UBE2Q2: variants seen among roughly 807,000 people sequenced by gnomAD.
UBE2Q2 encodes ubiquitin conjugating enzyme E2 Q2, also known as ubiquitin-conjugating enzyme E2 Q2.
Under a neutral mutation model 59.9 loss-of-function variants are expected in UBE2Q2, and 54 were observed. The ratio of observed to expected loss-of-function variants is 0.90; its 90% CI spans 0.72 to 1.13. The LOEUF (loss-of-function observed/expected upper bound fraction) is 1.13, where lower values mean the gene tolerates loss of function less well. Among genes scored for constraint, UBE2Q2 ranks in the 50% most tolerant of loss-of-function variants. UBE2Q2 has a pLI of 0.00. For synonymous variants in UBE2Q2, 165 were observed against 155.2 expected, an observed-to-expected ratio of 1.06 and a Z score of -0.47; for missense variants, 433 against 441.9, an observed-to-expected ratio of 0.98 and a Z score of 0.18.
At chr15:75,861,442 T>C (rs1420772292) in intron 3 of UBE2Q2, among the ~76,000 whole-genome samples, 5 of 152,162 alleles carry the variant, frequency 3.3e-5, no homozygotes, top group Non-Finnish European at 1.5e-5. Context: ...GTATACTTAG[T>C]GTGGGTCTTT....
At chr15:75,895,509 G>A (rs978348910) in intron 11 of UBE2Q2, among the ~76,000 whole-genome samples, 5 of 151,916 alleles carry the variant, frequency 3.3e-5, no homozygotes, top group Non-Finnish European at 7.4e-5. Context: ...AGAGCTCTTA[G>A]ATGTTGAAAA....
chr15:75,890,411 T>C, intron 9 of UBE2Q2, 24 bp from the exon 10 acceptor site: 1 of 1,578,704 alleles, frequency 6.3e-7, no homozygotes. Flanking sequence ...GAGAATTTTG[T>C]ATGACTCCTT....
intron 1 of UBE2Q2, among the ~76,000 whole-genome samples, chr15:75,852,869 T>TC (rs1896702158): frequency 6.6e-6 from 1 of 152,242 alleles, no homozygotes; most frequent in African/African-American, 2.4e-5. Flanking sequence ...ATTAATGATG[T>TC]CCTCCATCAA....
At chr15:75,858,348 C>T (rs1897027916) in intron 2 of UBE2Q2, among the ~76,000 whole-genome samples, 1 of 152,142 alleles carries the variant, frequency 6.6e-6, no homozygotes, top group Admixed American at 6.5e-5. Context: ...AGCACTCTAT[C>T]AGCCCCGTGT....
intron 3 of UBE2Q2, among the ~76,000 whole-genome samples, chr15:75,862,811 T>G (rs1008068536): frequency 8.0e-5 from 6 of 74,550 alleles, no homozygotes; most frequent in Non-Finnish European, 1.5e-4. Flanking sequence ...TGGAACCCTA[T>G]CTCAAAAAAA....
Position 75,853,421 on chromosome 15 carries a change from A to G in UBE2Q2, c.181-965A>G, listed in dbSNP as rs542098988. On this transcript the variant is annotated intron_variant, in intron 1 of 12. Coordinates refer to ENST00000267938, the MANE Select transcript of UBE2Q2 (RefSeq NM_173469.4). ...AGGAGGCGGAGGTTGCAGTGAGCCG[A>G]GATTGTGCCATGCACTCCGCCTGGG... Among the ~76,000 whole-genome samples the G allele has an allele frequency of 9.4e-5, 14 of 149,350 alleles. No individual in the cohort carries two copies. In the South Asian group the frequency reaches 2.9e-3, roughly 31 times the overall value.
chr15:75,844,150 G>A, intron 1 of UBE2Q2: 1 of 1,427,720 alleles, frequency 7.0e-7, no homozygotes, highest in Non-Finnish European at 9.1e-7. Flanking sequence ...AAGCCCTTGT[G>A]GGGTCCATGG....
rs1307343063 is a variant in UBE2Q2, at chr15:75,852,091, G to A, written c.181-2295G>A. Among the ~76,000 whole-genome samples the A allele has an allele frequency of 3.3e-5, 5 of 152,092 alleles. No individual in the cohort carries two copies. The East Asian group carries it at 9.7e-4, about 29-fold the overall frequency. ...GGGGTTTCACCCTGTTGGCCAGGCTGGTCTTGAACTCCTGGGCTCAAGTGA... is the reference window on the plus strand; with the variant it reads ...GGGGTTTCACCCTGTTGGCCAGGCTAGTCTTGAACTCCTGGGCTCAAGTGA... On this transcript the variant is annotated intron_variant, in intron 1 of 12. Coordinates refer to ENST00000267938, the MANE Select transcript of UBE2Q2 (RefSeq NM_173469.4).
At chr15:75,856,269 G>GTATATATATATATATATA (rs60490503) in intron 2 of UBE2Q2, among the ~76,000 whole-genome samples, 20 of 139,274 alleles carry the variant, frequency 1.4e-4, no homozygotes, top group African/African-American at 5.2e-4. Context: ...GTGTGTGTGT[G>GTATATATATATATATATA]TATATATATA....
chr15:75,849,421 G>A (rs1463828555), intron 1 of UBE2Q2, among the ~76,000 whole-genome samples: 1 of 152,170 alleles, frequency 6.6e-6, no homozygotes, highest in African/African-American at 2.4e-5. Flanking sequence ...TACAAAAACT[G>A]ACCATTCTGG....
At chr15:75,850,492 G>A (rs1298174578) in intron 1 of UBE2Q2, among the ~76,000 whole-genome samples, 1 of 152,228 alleles carries the variant, frequency 6.6e-6, no homozygotes, top group Non-Finnish European at 1.5e-5. Context: ...CCCAGAACTA[G>A]AGGTCTAGCT....
In UBE2Q2 at chr15:75,866,993, CCT is replaced by C. The variant is rs150241829; in HGVS notation, c.388-1956_388-1955del. The stretch of plus-strand genomic sequence containing the variant: ...GCTCTCTGGTGATACCTGGTTATCT[CCT>C]CATTTATAGATGAGATATACCCTTG... On this transcript the variant is annotated intron_variant, in intron 3 of 12. Transcript: ENST00000267938. 2.0e-3 allele frequency among the ~76,000 whole-genome samples: 310 copies of C among 152,282 alleles called. 1 individual carries two copies. Among genetic ancestry groups the C allele is most frequent in the African/African-American group, 7.1e-3 (295 of 41,564 alleles).
At chr15:75,864,604 T>G (rs1333203237) in intron 3 of UBE2Q2, among the ~76,000 whole-genome samples, 2 of 137,888 alleles carry the variant, frequency 1.5e-5, no homozygotes, top group Non-Finnish European at 3.2e-5. Flanking sequence ...TAACTGTAGA[T>G]TCTAAAAAAA....
chr15:75,868,881 A>G lies in UBE2Q2; in HGVS notation c.388-70A>G, dbSNP rs1595875253. The G allele has an allele frequency of 5.2e-6, 7 of 1,345,950 alleles. 1 individual carries two copies. Among genetic ancestry groups the G allele is most frequent in the Non-Finnish European group, 4.2e-6 (4 of 952,766 alleles). The allele number at this position is 1,345,950 out of a possible 1,614,324, so 83.4% of individuals were successfully genotyped here. A position where few individuals can be genotyped will look rare whatever the true frequency, so the allele number is the denominator to read the frequency against. ...CAGATGTTTGAGAGTTTGTGGCACC[A>G]GTCTTCTAATGTACTCAGCCTGTGC... On this transcript the variant is annotated intron_variant, in intron 3 of 12. Coordinates refer to ENST00000267938, the MANE Select transcript of UBE2Q2 (RefSeq NM_173469.4).
At chr15:75,855,266 G>A (rs144800366) in intron 2 of UBE2Q2, among the ~76,000 whole-genome samples, 5,481 of 152,124 alleles carry the variant, frequency 0.036, 178 homozygotes, top group African/African-American at 0.081. Flanking sequence ...TGAGGCGGGC[G>A]GATCACTTGA....
Position 75,899,452 on chromosome 15 carries a change from T to C in UBE2Q2, c.1122T>C (p.Asp374=). The C allele has an allele frequency of 6.3e-7, 1 of 1,595,522 alleles. No homozygotes were observed. ...KNGWYTPPKE[D]G The stretch of plus-strand genomic sequence containing the variant: ...GCTGGTACACCCCTCCAAAGGAAGA[T>C]GGCTAAATGTGTTGACTGTTGTATG... Residue 374 remains aspartate, a synonymous_variant, in exon 13 of 13, where the codon GAT becomes GAC. Coordinates refer to ENST00000267938, the MANE Select transcript of UBE2Q2 (RefSeq NM_173469.4).
At chr15:75,886,331 G>A (rs1369351130) in intron 9 of UBE2Q2, among the ~76,000 whole-genome samples, 1 of 151,976 alleles carries the variant, frequency 6.6e-6, no homozygotes, top group African/African-American at 2.4e-5. Context: ...TGTTGGCCAG[G>A]CTGGTCTCAA....
chr15:75,875,844 G>A (rs1005119972), intron 5 of UBE2Q2, among the ~76,000 whole-genome samples: 20 of 151,780 alleles, frequency 1.3e-4, no homozygotes, highest in Admixed American at 3.3e-4. Context: ...GGCAGACCAC[G>A]AGGTCAAGAG....
At chr15:75,889,303 C>G (rs888095357) in intron 9 of UBE2Q2, among the ~76,000 whole-genome samples, 1 of 152,144 alleles carries the variant, frequency 6.6e-6, no homozygotes, top group Non-Finnish European at 1.5e-5. Context: ...TTGGGCAAAG[C>G]AAGTGGGGAG....
Sources: allele counts gnomAD v4.1 joint callset (sites outside exome capture counted in the v4.1 genomes callset), GRCh38; gene constraint gnomAD v4.1.1; transcripts MANE v1.5; gene names NCBI Gene and HGNC (gene_info 2026-07-23, HGNC 2026-07-21).